The following TRIP4 variants were observed in gnomAD, a reference collection of about 807,000 sequenced individuals.
TRIP4 encodes activating signal cointegrator 1.
Under a neutral mutation model 81.8 loss-of-function variants are expected in TRIP4, and 54 were observed. That is an observed-to-expected ratio of 0.66 (90% CI 0.53 to 0.83). The LOEUF is 0.83. Ranked by LOEUF, TRIP4 falls within the 40% of genes least tolerant of loss-of-function variation. The pLI, the probability that TRIP4 is intolerant of heterozygous loss-of-function variation, is 0.00. For missense variants in TRIP4, 662 were observed against 683.6 expected, an observed-to-expected ratio of 0.97 and a Z score of 0.35; for synonymous variants, 270 against 242.8, an observed-to-expected ratio of 1.11 and a Z score of -1.04.
At chr15:64,420,151 TG>T (rs1194846027) in intron 9 of TRIP4, among the ~76,000 whole-genome samples, 1 of 150,814 alleles carries the variant, frequency 6.6e-6, no homozygotes, top group African/African-American at 2.4e-5. Context: ...GACGAAGTTT[TG>T]CTCTTGTTTC....
At chr15:64,421,533 G>A (rs1440509906) in intron 9 of TRIP4, among the ~76,000 whole-genome samples, 1 of 150,858 alleles carries the variant, frequency 6.6e-6, no homozygotes, top group Non-Finnish European at 1.5e-5. Context: ...ATGAGGTTTT[G>A]CCCTGTTGGC....
chr15:64,391,672 A>C (rs1251907696), intron 1 of TRIP4, among the ~76,000 whole-genome samples: 2 of 151,904 alleles, frequency 1.3e-5, no homozygotes, highest in Admixed American at 1.3e-4. Flanking sequence ...TGGTTGTTTG[A>C]AAAATACTCC....
chr15:64,400,142 C>CT (rs1891456254), intron 4 of TRIP4, among the ~76,000 whole-genome samples: 1 of 151,130 alleles, frequency 6.6e-6, no homozygotes, highest in South Asian at 2.1e-4. Context: ...AAGAAGATGT[C>CT]TTATTAGAAA....
At chr15:64,442,493 C>G (rs1218891753) in intron 11 of TRIP4, among the ~76,000 whole-genome samples, 2 of 151,822 alleles carry the variant, frequency 1.3e-5, no homozygotes, top group Non-Finnish European at 2.9e-5. Context: ...CTATGTTGCC[C>G]AGGCTGATCC....
rs1211039946 is a variant in TRIP4, at chr15:64,397,822, A to G, written c.618+4A>G. ...TTGCTTATTCTGTGGCACTCTGGTA[A>G]ATTATTTCTTTTCTATTTTATTTTA... On this transcript the variant is annotated splice_donor_region_variant and intron_variant, in intron 4 of 12. Transcript: ENST00000261884. 12 of 1,613,454 alleles carry G rather than the reference A, an allele frequency of 7.4e-6. No individual in the cohort carries two copies. The East Asian group carries it at 2.4e-4, about 33-fold the overall frequency.
intron 11 of TRIP4, among the ~76,000 whole-genome samples, chr15:64,426,775 C>T (rs545567527): frequency 6.3e-4 from 94 of 150,212 alleles, no homozygotes; most frequent in African/African-American, 2.2e-3. Context: ...CCAAGGCGGG[C>T]AGATCATGAG....
chr15:64,437,263 T>TA (rs66524310), intron 11 of TRIP4, among the ~76,000 whole-genome samples: 139,816 of 146,512 alleles, frequency 0.95, 66,932 homozygotes, highest in East Asian at 1. Flanking sequence ...TACTAAAGAT[T>TA]AAAAAAAAAA....
At chr15:64,437,684 G>A (rs1892433152) in intron 11 of TRIP4, among the ~76,000 whole-genome samples, 1 of 152,014 alleles carries the variant, frequency 6.6e-6, no homozygotes, top group Non-Finnish European at 1.5e-5. Context: ...CAGTAGAGAT[G>A]GGTTTTGCCA....
intron 11 of TRIP4, among the ~76,000 whole-genome samples, chr15:64,432,354 C>T (rs1156392827): frequency 1.3e-5 from 2 of 152,008 alleles, no homozygotes; most frequent in African/African-American, 4.8e-5. Flanking sequence ...TGGTTTACGC[C>T]TGTAATCCCA....
intron 11 of TRIP4, among the ~76,000 whole-genome samples, chr15:64,432,780 A>G (rs1010537752): frequency 6.8e-6 from 1 of 147,418 alleles, no homozygotes; most frequent in Non-Finnish European, 1.5e-5. Flanking sequence ...GCGTCGTGGC[A>G]TGCGCCTGTA....
At chr15:64,431,276 CTG>C (rs1892265772) in intron 11 of TRIP4, among the ~76,000 whole-genome samples, 1 of 152,060 alleles carries the variant, frequency 6.6e-6, no homozygotes, top group Non-Finnish European at 1.5e-5. Context: ...ACGATGAGGG[CTG>C]TTATCTGAGA....
chr15:64,434,259 C>T (rs1189177848), intron 11 of TRIP4, among the ~76,000 whole-genome samples: 5 of 151,958 alleles, frequency 3.3e-5, no homozygotes, highest in Admixed American at 6.6e-5. Flanking sequence ...ATTAGCTGGG[C>T]GTGGTGGCGC....
At chr15:64,402,982 C>T (rs1176116634) in intron 5 of TRIP4, among the ~76,000 whole-genome samples, 1 of 148,556 alleles carries the variant, frequency 6.7e-6, no homozygotes, top group Non-Finnish European at 1.5e-5. Flanking sequence ...GCCTCAGCCT[C>T]CTGAGTAGTT....
chr15:64,454,057 G>C (rs183069751), intron 12 of TRIP4, among the ~76,000 whole-genome samples: 12 of 151,816 alleles, frequency 7.9e-5, no homozygotes, highest in Non-Finnish European at 1.2e-4. Context: ...TTGAGAGGCA[G>C]TGATTATGGG....
At chr15:64,416,080 C>T (rs560572166) in intron 8 of TRIP4, among the ~76,000 whole-genome samples, 7 of 152,066 alleles carry the variant, frequency 4.6e-5, no homozygotes, top group East Asian at 3.9e-4. Context: ...AAGTGGGAGC[C>T]GGGCCTGAGA....
intron 9 of TRIP4, 47 bp from the exon 10 acceptor site, chr15:64,423,984 G>A: frequency 6.2e-7 from 1 of 1,609,548 alleles, no homozygotes; most frequent in Non-Finnish European, 8.5e-7. Context: ...GGATATTCCA[G>A]GAAACTAGAA....
At chr15:64,436,591 CA>C (rs1303234953) in intron 11 of TRIP4, among the ~76,000 whole-genome samples, 8 of 146,346 alleles carry the variant, frequency 5.5e-5, no homozygotes, top group East Asian at 2.0e-4. Context: ...ACTCCATCAA[CA>C]AAAAAAAAAT....
At chr15:64,443,447 A>G (rs1370471046) in intron 11 of TRIP4, among the ~76,000 whole-genome samples, 1 of 152,198 alleles carries the variant, frequency 6.6e-6, no homozygotes, top group Non-Finnish European at 1.5e-5. Flanking sequence ...AGAGATAGTA[A>G]TTATGAATGC....
In TRIP4 at chr15:64,397,779, A is replaced by G. The variant is rs1309426664; in HGVS notation, c.579A>G (p.Glu193=). Residue 193 remains glutamate, a synonymous_variant, in exon 4 of 13, where the codon GAA becomes GAG. Coordinates refer to ENST00000261884, the MANE Select transcript of TRIP4 (RefSeq NM_016213.5). The stretch of plus-strand genomic sequence containing the variant: ...TGATCTGTGGGCGCATTGTCTGTGA[A>G]CAAGAAGGCTCAGGCCCTTGCTTAT... The part of the protein sequence containing the change: ...NCLICGRIVC[E]QEGSGPCLFC... The G allele has an allele frequency of 1.1e-5, 17 of 1,614,128 alleles. No individual in the cohort carries two copies. Among genetic ancestry groups the G allele is most frequent in the Admixed American group, 1.7e-5 (1 of 60,006 alleles).
Sources: gnomAD v4.1 joint callset for allele counts (sites outside exome capture counted in the v4.1 genomes callset) on GRCh38, gnomAD v4.1.1 for gene constraint, MANE v1.5 for transcripts, NCBI Gene and HGNC (gene_info 2026-07-23, HGNC 2026-07-21) for gene names.